The following NME7 variants were observed in gnomAD, a reference collection of about 807,000 sequenced individuals.
NME7 encodes the protein NME/NM23 family member 7, also known as nucleoside diphosphate kinase 7.
In NME7, 41 loss-of-function variants were observed where a neutral mutation model predicts 49.1. The ratio of observed to expected loss-of-function variants is 0.83; its 90% CI spans 0.65 to 1.08. The LOEUF is 1.08. NME7 is among the 50% of genes least tolerant of loss of function. The pLI is 0.00. For missense variants in NME7, 423 were observed against 463.4 expected, an observed-to-expected ratio of 0.91 and a Z score of 0.80; for synonymous variants, 139 against 150.6, an observed-to-expected ratio of 0.92 and a Z score of 0.56.
chr1:169,334,816 A>T (rs550332241), intron 1 of NME7, among the ~76,000 whole-genome samples: 6 of 152,342 alleles, frequency 3.9e-5, no homozygotes, highest in Non-Finnish European at 8.8e-5. Context: ...CAATCTACCC[A>T]TCTGAAAAGG....
In NME7 at chr1:169,317,481, G is replaced by A. The variant is rs767717593; in HGVS notation, c.278+5636C>T. On this transcript the variant is annotated intron_variant, in intron 3 of 11. Transcript: ENST00000367811. Reference sequence around the variant, plus strand: ...TCAATAGCATGCCATCTTAGACAACGATACTATAGATAAGTAAAGATGAGA... The same window carrying A: ...TCAATAGCATGCCATCTTAGACAACAATACTATAGATAAGTAAAGATGAGA... Among the ~76,000 whole-genome samples, 7 of 152,158 alleles carry A rather than the reference G, an allele frequency of 4.6e-5. No individual in the cohort carries two copies. The East Asian group carries it at 7.7e-4, about 17-fold the overall frequency.
intron 7 of NME7, chr1:169,285,409 T>G (rs1181857307): frequency 6.6e-6 from 1 of 152,086 alleles, no homozygotes; most frequent in African/African-American, 2.4e-5. Context: ...AAATCCCAGG[T>G]TTTTTTCCAT....
intron 10 of NME7, among the ~76,000 whole-genome samples, chr1:169,171,875 A>C (rs1659606647): frequency 6.6e-6 from 1 of 151,050 alleles, no homozygotes; most frequent in Admixed American, 6.6e-5. Flanking sequence ...ACATGCTGCT[A>C]GATGAGGTAT....
chr1:169,323,148 T>C lies in NME7; in HGVS notation c.247A>G (p.Thr83Ala), dbSNP rs1462529767. The change falls in exon 3 of 12, where the codon ACA becomes GCA. Residue 83 changes from threonine (T) to alanine (A), a missense_variant. Coordinates refer to ENST00000367811, the MANE Select transcript of NME7 (RefSeq NM_013330.5). ...LVLIDYGDQY[T>A]ARQLGSRKEK... is the part of the protein sequence containing the mutation. ...TTCCTACTGCCCAGCTGGCGAGCTG[T>C]ATATTGATCCCCATAGTCAATTAAT... is the stretch of plus-strand genomic sequence containing the variant. 2.5e-6 allele frequency: 4 copies of C among 1,602,796 alleles called. No individual in the cohort carries two copies. The highest frequency in any genetic ancestry group is 3.4e-6 in the Non-Finnish European group (4 of 1,175,576).
chr1:169,334,487 T>C (rs1222436955), intron 1 of NME7, among the ~76,000 whole-genome samples: 1 of 152,214 alleles, frequency 6.6e-6, no homozygotes, highest in African/African-American at 2.4e-5. Context: ...CAGTAAATGG[T>C]GCTGGGCAAA....
At chr1:169,223,786 T>G (rs6427179) in intron 10 of NME7, among the ~76,000 whole-genome samples, 33,237 of 150,050 alleles carry the variant, frequency 0.22, 3,781 homozygotes, top group African/African-American at 0.29. Flanking sequence ...TATATATATA[T>G]AGAGAGAGAG....
intron 7 of NME7, among the ~76,000 whole-genome samples, chr1:169,279,855 G>C (rs145830723): frequency 1.3e-5 from 2 of 152,102 alleles, no homozygotes; most frequent in African/African-American, 2.4e-5. Flanking sequence ...TTCTTAATTC[G>C]TCTATCATTG....
In NME7 at chr1:169,135,014, CAAAA is replaced by C. The variant is rs58463903; in HGVS notation, c.1099-2201_1099-2198del. 4.0e-4 allele frequency among the ~76,000 whole-genome samples: 20 copies of C among 50,388 alleles called. No homozygotes were observed. In the South Asian group the frequency reaches 0.01, roughly 25 times the overall value. 33.1% of individuals were successfully genotyped at this position (50,388 alleles called of 152,430 possible). Reference sequence around the variant, plus strand: ...ACATAAGGAGATCCCCCCGTCTCTACAAAAAAAAAAAAAAAAAAAAAAAAAAATA... The same window carrying C: ...ACATAAGGAGATCCCCCCGTCTCTACAAAAAAAAAAAAAAAAAAAAAAATA... On this transcript the variant is annotated intron_variant, in intron 11 of 11. Coordinates refer to ENST00000367811, the MANE Select transcript of NME7 (RefSeq NM_013330.5).
chr1:169,234,769 T>G (rs151185507), intron 9 of NME7, among the ~76,000 whole-genome samples: 1 of 152,210 alleles, frequency 6.6e-6, no homozygotes, highest in East Asian at 1.9e-4. Context: ...TGCAGGCTGG[T>G]TGCAATGAAT....
chr1:169,226,726 T>G (rs947197835), intron 10 of NME7, among the ~76,000 whole-genome samples: 1 of 152,188 alleles, frequency 6.6e-6, no homozygotes, highest in Non-Finnish European at 1.5e-5. Flanking sequence ...AAAAGTAATA[T>G]AAGTACTTTA....
intron 1 of NME7, among the ~76,000 whole-genome samples, chr1:169,356,085 A>T (rs578260328): frequency 5.3e-5 from 8 of 152,228 alleles, no homozygotes; most frequent in Non-Finnish European, 7.4e-5. Context: ...GTGGAAAGTT[A>T]CCTTCCTTTC....
intron 7 of NME7, among the ~76,000 whole-genome samples, chr1:169,282,717 A>G (rs1293118390): frequency 6.6e-6 from 1 of 152,202 alleles, no homozygotes; most frequent in African/African-American, 2.4e-5. Context: ...TCCAGTAGTC[A>G]TTCAGGAGCA....
At chr1:169,137,406 T>C (rs1425228230) in intron 11 of NME7, among the ~76,000 whole-genome samples, 1 of 152,198 alleles carries the variant, frequency 6.6e-6, no homozygotes, top group East Asian at 1.9e-4. Flanking sequence ...AAAAATGTGG[T>C]TGAAAAGGCT....
At chr1:169,187,659 G>A (rs113324025) in intron 10 of NME7, among the ~76,000 whole-genome samples, 227 of 152,186 alleles carry the variant, frequency 1.5e-3, no homozygotes, top group African/African-American at 5.2e-3. Context: ...CATGTGAGAT[G>A]GGTCTCCTGA....
Position 169,207,499 on chromosome 1 carries a change from G to T in NME7, c.990+23219C>A, listed in dbSNP as rs1660704480. On this transcript the variant is annotated intron_variant, in intron 10 of 11. Coordinates refer to ENST00000367811, the MANE Select transcript of NME7 (RefSeq NM_013330.5). Reference sequence around the variant, plus strand: ...AGGATTAGTCTCAGGGTACACCCAAGGGGGAAGAGGATCAAAATTAACTAC... The same window carrying T: ...AGGATTAGTCTCAGGGTACACCCAATGGGGAAGAGGATCAAAATTAACTAC... Among the ~76,000 whole-genome samples the T allele has an allele frequency of 2.6e-5, 4 of 152,202 alleles. No individual in the cohort carries two copies. In the South Asian group the frequency reaches 8.3e-4, roughly 32 times the overall value.
chr1:169,354,861 A>G (rs137907453), intron 1 of NME7, among the ~76,000 whole-genome samples: 9,196 of 130,910 alleles, frequency 0.07, 1,328 homozygotes, highest in East Asian at 0.66. Context: ...TATAATAGAT[A>G]TATAATTATA....
At chr1:169,181,376 C>A (rs12083296) in intron 10 of NME7, among the ~76,000 whole-genome samples, 14 of 64,190 alleles carry the variant, frequency 2.2e-4, no homozygotes, top group East Asian at 5.4e-3. Context: ...CACACACACA[C>A]ACACACACAC....
intron 10 of NME7, among the ~76,000 whole-genome samples, chr1:169,183,806 A>G (rs1057267001): frequency 6.6e-6 from 1 of 152,178 alleles, no homozygotes; most frequent in Non-Finnish European, 1.5e-5. Context: ...CATCTCAGAA[A>G]AAAAGAAAAA....
At chr1:169,177,247 T>A (rs1219938087) in intron 10 of NME7, among the ~76,000 whole-genome samples, 1 of 152,154 alleles carries the variant, frequency 6.6e-6, no homozygotes, top group Non-Finnish European at 1.5e-5. Context: ...GCAAATCCTG[T>A]CAATACAACT....
Sources: allele counts gnomAD v4.1 joint callset (sites outside exome capture counted in the v4.1 genomes callset), GRCh38; gene constraint gnomAD v4.1.1; transcripts MANE v1.5; gene names NCBI Gene and HGNC (gene_info 2026-07-23, HGNC 2026-07-21).